Variants in ESRRG observed in about 807,000 individuals in gnomAD.
ESRRG encodes estrogen related receptor gamma, also known as estrogen-related receptor gamma.
In ESRRG, 13 loss-of-function variants were observed where a neutral mutation model predicts 44.0. The observed-to-expected ratio is 0.30, with a 90% CI of 0.19 to 0.47. The LOEUF is 0.47. Ranked by LOEUF, ESRRG falls within the 20% of genes least tolerant of loss-of-function variation. The pLI, the probability that ESRRG is intolerant of heterozygous loss-of-function variation, is 1.00. For synonymous variants in ESRRG, 215 were observed against 214.6 expected, an observed-to-expected ratio of 1.00 and a Z score of -0.02; for missense variants, 395 against 580.6, an observed-to-expected ratio of 0.68 and a Z score of 3.29.
intron 1 of ESRRG, among the ~76,000 whole-genome samples, chr1:217,006,334 T>A (rs142618070): frequency 3.5e-3 from 532 of 152,224 alleles, no homozygotes; most frequent in African/African-American, 0.012. Context: ...AATCAACATA[T>A]ACAACTTTAA....
At chr1:216,847,375 C>A (rs1464516911) in intron 2 of ESRRG, among the ~76,000 whole-genome samples, 2 of 152,068 alleles carry the variant, frequency 1.3e-5, no homozygotes, top group African/African-American at 4.8e-5. Context: ...TTATTCTCAA[C>A]AGACAAAGAA....
intron 1 of ESRRG, among the ~76,000 whole-genome samples, chr1:217,094,854 T>C (rs1289623015): frequency 6.6e-6 from 1 of 152,232 alleles, no homozygotes; most frequent in African/African-American, 2.4e-5. Flanking sequence ...GCCAATCACA[T>C]CTCACCAAAG....
At chr1:216,618,213 A>G (rs2150413994) in intron 3 of ESRRG, among the ~76,000 whole-genome samples, 1 of 152,368 alleles carries the variant, frequency 6.6e-6, no homozygotes, top group African/African-American at 2.4e-5. Flanking sequence ...TGAGAGTAAA[A>G]TTACACTTGC....
intron 1 of ESRRG, among the ~76,000 whole-genome samples, chr1:217,015,673 T>C (rs545450500): frequency 2.8e-4 from 43 of 151,996 alleles, no homozygotes; most frequent in South Asian, 8.3e-4. Context: ...GCAAGCATGG[T>C]TTGATATTTC....
intron 3 of ESRRG, among the ~76,000 whole-genome samples, chr1:216,606,735 T>C (rs1331409937): frequency 6.6e-6 from 1 of 152,224 alleles, no homozygotes; most frequent in Non-Finnish European, 1.5e-5. Context: ...ATTTGAAATT[T>C]AAATGTGAAT....
At chr1:217,043,855 C>G (rs1381903066) in intron 1 of ESRRG, among the ~76,000 whole-genome samples, 2 of 151,932 alleles carry the variant, frequency 1.3e-5, no homozygotes, top group Non-Finnish European at 2.9e-5. Context: ...CTCCTTAATA[C>G]TAACTCACTA....
chr1:216,712,514 C>T (rs988293588), intron 1 of ESRRG, among the ~76,000 whole-genome samples: 2 of 152,118 alleles, frequency 1.3e-5, no homozygotes, highest in Admixed American at 6.6e-5. Context: ...GTGATGAATA[C>T]CCTCAGATGA....
chr1:217,114,398 A>G (rs1388266816), intron 1 of ESRRG, among the ~76,000 whole-genome samples: 3 of 151,944 alleles, frequency 2.0e-5, no homozygotes, highest in Non-Finnish European at 4.4e-5. Flanking sequence ...CAATTTGGAC[A>G]CGGCTGAAAA....
chr1:216,567,498 T>C (rs959482464), intron 4 of ESRRG, among the ~76,000 whole-genome samples: 2 of 152,190 alleles, frequency 1.3e-5, no homozygotes, highest in African/African-American at 4.8e-5. Flanking sequence ...CTAGCTAGTG[T>C]GTTAAACTTC....
In ESRRG at chr1:216,779,148, A is replaced by T. The variant is rs1407144449; in HGVS notation, c.-13-101657T>A. Among the ~76,000 whole-genome samples the T allele has an allele frequency of 8.9e-5, 8 of 89,968 alleles. No individual in the cohort carries two copies. In the South Asian group the frequency reaches 1.3e-3, roughly 15 times the overall value. 59.0% of individuals were successfully genotyped at this position (89,968 alleles called of 152,430 possible). A position where few individuals can be genotyped will look rare whatever the true frequency, so the allele number is the denominator to read the frequency against. On this transcript the variant is annotated intron_variant, in intron 2 of 7. Coordinates refer to the ESRRG transcript ENST00000359162. ...TATATGTAAATATAAATATATATTT[A>T]TATATATATAAAATAAATATATATA...
intron 1 of ESRRG, among the ~76,000 whole-genome samples, chr1:216,998,303 A>T: frequency 6.6e-6 from 1 of 152,222 alleles, no homozygotes; most frequent in Non-Finnish European, 1.5e-5. Flanking sequence ...TTAAAGCTCC[A>T]GGAAAAAATT....
chr1:217,077,614 T>C (rs2091428344), intron 1 of ESRRG, among the ~76,000 whole-genome samples: 1 of 152,172 alleles, frequency 6.6e-6, no homozygotes, highest in Non-Finnish European at 1.5e-5. Flanking sequence ...CTTAAACAGA[T>C]ATATACAAGA....
intron 1 of ESRRG, among the ~76,000 whole-genome samples, chr1:217,051,889 A>C (rs2086117936): frequency 6.6e-6 from 1 of 152,112 alleles, no homozygotes; most frequent in Admixed American, 6.6e-5. Flanking sequence ...CAGCCTCCTG[A>C]GTAGTTGGAA....
intron 2 of ESRRG, among the ~76,000 whole-genome samples, chr1:216,665,289 G>A (rs2073622625): frequency 6.6e-6 from 1 of 152,130 alleles, no homozygotes; most frequent in African/African-American, 2.4e-5. Flanking sequence ...AGTCCCATCT[G>A]TGGTTTCAGG....
intron 2 of ESRRG, among the ~76,000 whole-genome samples, chr1:216,850,520 C>A (rs897152459): frequency 1.3e-5 from 2 of 152,002 alleles, no homozygotes; most frequent in Admixed American, 6.6e-5. Context: ...TGTCTGGAAA[C>A]AGGCTAAAAA....
intron 2 of ESRRG, among the ~76,000 whole-genome samples, chr1:216,742,079 C>A (rs1006785808): frequency 7.9e-5 from 12 of 152,132 alleles, no homozygotes; most frequent in African/African-American, 2.7e-4. Flanking sequence ...TAACCTGACC[C>A]AAACCCTCTT....
At chr1:216,716,528 G>A (rs2084912153) in intron 1 of ESRRG, among the ~76,000 whole-genome samples, 1 of 151,792 alleles carries the variant, frequency 6.6e-6, no homozygotes, top group South Asian at 2.1e-4. Flanking sequence ...GTTTTCTTTG[G>A]CTAGGTAAGT....
intron 2 of ESRRG, among the ~76,000 whole-genome samples, chr1:216,652,926 C>A (rs1423639663): frequency 6.6e-6 from 1 of 151,914 alleles, no homozygotes; most frequent in East Asian, 1.9e-4. Flanking sequence ...CAGGCCTTTG[C>A]TGTCTTAGGA....
At chr1:217,137,025 G>C (rs577959056) in intron 1 of ESRRG, among the ~76,000 whole-genome samples, 6 of 152,156 alleles carry the variant, frequency 3.9e-5, no homozygotes, top group Non-Finnish European at 5.9e-5. Flanking sequence ...CTGCGAAATG[G>C]GAGTCAAGCC....
Sources: allele counts gnomAD v4.1 joint callset (sites outside exome capture counted in the v4.1 genomes callset), GRCh38; gene constraint gnomAD v4.1.1; transcripts MANE v1.5; gene names NCBI Gene and HGNC (gene_info 2026-07-23, HGNC 2026-07-21).